The following TANGO6 variants were observed in gnomAD, a reference collection of about 807,000 sequenced individuals.
The protein encoded by TANGO6 is transport and Golgi organization protein 6 homolog.
Under a neutral mutation model 114.2 loss-of-function variants are expected in TANGO6, and 90 were observed. The ratio of observed to expected loss-of-function variants is 0.79; its 90% CI spans 0.66 to 0.94. The LOEUF is 0.94. Among genes scored for constraint, TANGO6 ranks in the 40% least tolerant of loss-of-function variants. The probability of loss-of-function intolerance (pLI) is 0.00; values close to 1 mark genes in which losing one functional copy is unlikely to be tolerated. For synonymous variants in TANGO6, 477 were observed against 509.8 expected (o/e 0.94, Z 0.87); for missense variants, 1,274 against 1,315.3 (o/e 0.97, Z 0.49).
chr16:68,923,719 A>G (rs947278105), intron 12 of TANGO6, among the ~76,000 whole-genome samples: 1 of 152,248 alleles, frequency 6.6e-6, no homozygotes, highest in Non-Finnish European at 1.5e-5. Flanking sequence ...CTTAATTAAC[A>G]GTTTTTGAAT....
intron 15 of TANGO6, among the ~76,000 whole-genome samples, chr16:69,013,765 T>C (rs1489756566): frequency 6.6e-6 from 1 of 150,680 alleles, no homozygotes; most frequent in African/African-American, 2.4e-5. Flanking sequence ...CAAGCAATTC[T>C]CGTGCCTCAG....
intron 2 of TANGO6, among the ~76,000 whole-genome samples, chr16:68,861,135 A>T (rs991391843): frequency 1.3e-5 from 2 of 152,170 alleles, no homozygotes; most frequent in African/African-American, 4.8e-5. Context: ...CTTTTCTTCA[A>T]ATAACTCACA....
intron 11 of TANGO6, 49 bp from the exon 12 acceptor site, chr16:68,919,036 A>AT (rs3833052): frequency 0.11 from 139,704 of 1,230,938 alleles, 2,817 homozygotes; most frequent in African/African-American, 0.16. Flanking sequence ...GAGAATTATG[A>AT]TTTTTTTTTT....
chr16:69,013,261 A>G (rs928669277), intron 15 of TANGO6, among the ~76,000 whole-genome samples: 6 of 152,096 alleles, frequency 3.9e-5, no homozygotes, highest in South Asian at 2.1e-4. Flanking sequence ...AGGAAAGAAA[A>G]TTATTTGGTT....
chr16:68,925,525 A>G (rs2152194766), intron 12 of TANGO6, among the ~76,000 whole-genome samples: 1 of 152,246 alleles, frequency 6.6e-6, no homozygotes, highest in Non-Finnish European at 1.5e-5. Context: ...TTTTTCAGAT[A>G]TGTCTTTTAC....
At chr16:69,008,212 C>T (rs1250883302) in intron 15 of TANGO6, among the ~76,000 whole-genome samples, 3 of 152,036 alleles carry the variant, frequency 2.0e-5, no homozygotes, top group African/African-American at 7.2e-5. Context: ...CCATATGCTC[C>T]CTCCCCACCA....
intron 2 of TANGO6, among the ~76,000 whole-genome samples, chr16:68,862,450 G>T (rs751913985): frequency 1.5e-4 from 23 of 152,132 alleles, no homozygotes; most frequent in Non-Finnish European, 3.1e-4. Flanking sequence ...GCCCCCCTCG[G>T]CCTCCCAAAG....
intron 15 of TANGO6, among the ~76,000 whole-genome samples, chr16:68,982,454 T>G (rs1346484626): frequency 6.6e-6 from 1 of 151,928 alleles, no homozygotes; most frequent in Non-Finnish European, 1.5e-5. Context: ...TTCAGTCTCC[T>G]GAGTAGCTGG....
At chr16:69,030,529 T>C (rs1567562068) in intron 16 of TANGO6, among the ~76,000 whole-genome samples, 1 of 150,148 alleles carries the variant, frequency 6.7e-6, no homozygotes, top group East Asian at 2.0e-4. Context: ...AGTAAAGGGG[T>C]GGGGGGTTAG....
In TANGO6 at chr16:69,083,548, G is replaced by A. The variant is rs369656531; in HGVS notation, c.3172G>A (p.Asp1058Asn). 4.3e-6 allele frequency: 7 copies of A among 1,611,760 alleles called. No individual in the cohort carries two copies. The highest frequency in any genetic ancestry group is 2.2e-5 in the East Asian group (1 of 44,812). Residue 1058 changes from aspartate to asparagine, a missense_variant, in exon 18 of 18, where the codon GAT becomes AAT. Physicochemically the swap from Asp to Asn is conservative, Grantham distance 23 (BLOSUM62 1). Coordinates refer to ENST00000261778, the MANE Select transcript of TANGO6 (RefSeq NM_024562.2). ...GAAGCACGTAGTGTGTCTGGAGCCC[G>A]ATGACGTGGCCAAGCTCCATGCCCA... The part of the protein sequence containing the change: ...LLKHVVCLEP[D>N]DVAKLHAQLA...
chr16:69,027,427 G>A (rs1345376408), intron 16 of TANGO6, among the ~76,000 whole-genome samples: 3 of 151,378 alleles, frequency 2.0e-5, no homozygotes, highest in Non-Finnish European at 4.4e-5. Context: ...CTCAGTTTTT[G>A]TATCTTCTTT....
At chr16:69,031,118 G>T (rs1170693077) in intron 16 of TANGO6, among the ~76,000 whole-genome samples, 1 of 151,846 alleles carries the variant, frequency 6.6e-6, no homozygotes, top group East Asian at 2.0e-4. Flanking sequence ...CTGAGATGAG[G>T]AGCTGCTGCT....
intron 6 of TANGO6, among the ~76,000 whole-genome samples, 193 bp from the exon 7 acceptor site, chr16:68,880,355 G>A (rs1371186995): frequency 6.6e-6 from 1 of 151,144 alleles, no homozygotes; most frequent in East Asian, 2.0e-4. Context: ...AAATAACAAT[G>A]CATGTTTATA....
At position 68,854,158 on chromosome 16, in the gene TANGO6, G is replaced by A. The variant is rs114014798; in HGVS notation, c.95-5726G>A. 3.7e-3 allele frequency among the ~76,000 whole-genome samples: 557 copies of A among 152,066 alleles called. 4 individuals carry two copies. The highest frequency in any genetic ancestry group is 0.012 in the African/African-American group (496 of 41,464). On this transcript the variant is annotated intron_variant, in intron 1 of 17. Transcript: ENST00000261778. ...TTTCCTTTTGGCTCATGCTTTTTAT[G>A]TTTTAAGAATTCTGTCTGGGCACAG...
At chr16:68,926,186 C>T (rs1394115696) in intron 12 of TANGO6, among the ~76,000 whole-genome samples, 5 of 151,992 alleles carry the variant, frequency 3.3e-5, no homozygotes, top group Admixed American at 2.6e-4. Flanking sequence ...AATGATAATA[C>T]TAGTATAATT....
At chr16:68,930,834 A>C (rs1963230001) in intron 14 of TANGO6, among the ~76,000 whole-genome samples, 1 of 151,790 alleles carries the variant, frequency 6.6e-6, no homozygotes, top group Admixed American at 6.6e-5. Flanking sequence ...ACAAGGTTTC[A>C]CCATGTTAGT....
chr16:68,953,050 T>TTTATTATTATTATTATTATTA (rs71383944), intron 14 of TANGO6, among the ~76,000 whole-genome samples: 8 of 139,214 alleles, frequency 5.7e-5, no homozygotes, highest in East Asian at 2.1e-4. Context: ...ACAGGTATTT[T>TTTATTATTATTATTATTATTA]TTATTATTAT....
At chr16:69,006,692 A>C (rs1964094603) in intron 15 of TANGO6, among the ~76,000 whole-genome samples, 1 of 152,174 alleles carries the variant, frequency 6.6e-6, no homozygotes, top group African/African-American at 2.4e-5. Context: ...CGGTGGTTGC[A>C]GTGAACTGAG....
At chr16:68,928,209 T>C in intron 13 of TANGO6, 126 bp downstream of exon 13, 1 of 1,121,428 alleles carries the variant, frequency 8.9e-7, no homozygotes, top group Admixed American at 2.9e-5. Flanking sequence ...TTTGTGAATT[T>C]TGTGAGGAGG....
Sources: gnomAD v4.1 joint callset for allele counts (sites outside exome capture counted in the v4.1 genomes callset) on GRCh38, gnomAD v4.1.1 for gene constraint, MANE v1.5 for transcripts, NCBI Gene and HGNC (gene_info 2026-07-23, HGNC 2026-07-21) for gene names.